Variants in C4orf36 observed in about 807,000 individuals in gnomAD.
C4orf36 encodes the protein uncharacterized protein C4orf36.
In C4orf36, 11 loss-of-function variants were observed where a neutral mutation model predicts 12.2. The ratio of observed to expected loss-of-function variants is 0.90; its 90% CI spans 0.57 to 1.49. C4orf36 has a LOEUF of 1.49. C4orf36 is among the 40% of genes most tolerant of loss of function. C4orf36 has a pLI of 0.00. For missense variants in C4orf36, 137 were observed against 133.9 expected, an observed-to-expected ratio of 1.02 and a Z score of -0.11; for synonymous variants, 54 against 51.3, an observed-to-expected ratio of 1.05 and a Z score of -0.22.
At chr4:86,893,059 T>C (rs1747491458), upstream of C4orf36, among the ~76,000 whole-genome samples, 1 of 152,258 alleles carries the variant, frequency 6.6e-6, no homozygotes, top group African/African-American at 2.4e-5. Context: ...GATAATGCTC[T>C]ATGTCTTAGA....
chr4:86,887,118 T>A (rs1438959726), intron 4 of C4orf36: 1 of 124,700 alleles, frequency 8.0e-6, no homozygotes, highest in African/African-American at 3.1e-5. Flanking sequence ...TGTTGTGGGG[T>A]GGGGGTATGG....
upstream of C4orf36, among the ~76,000 whole-genome samples, chr4:86,897,087 A>G (rs1747610401): frequency 1.3e-5 from 2 of 152,186 alleles, no homozygotes; most frequent in Admixed American, 1.3e-4. Context: ...ATGGCCAGAC[A>G]CAGCGGCTCA....
the C4orf36 span, among the ~76,000 whole-genome samples, chr4:86,927,938 T>C: frequency 6.6e-6 from 1 of 152,162 alleles, no homozygotes; most frequent in African/African-American, 2.4e-5. Context: ...GTTGCTGTAA[T>C]GGTGAAGTTC....
At chr4:86,906,403 G>A in the C4orf36 span, among the ~76,000 whole-genome samples, 8 of 152,036 alleles carry the variant, frequency 5.3e-5, no homozygotes, top group South Asian at 4.1e-4. Context: ...TCAAATATTC[G>A]GATTCAGATA....
At chr4:86,919,309 T>TCCC in the C4orf36 span, among the ~76,000 whole-genome samples, 1 of 108,214 alleles carries the variant, frequency 9.2e-6, no homozygotes, top group Admixed American at 1.0e-4. Flanking sequence ...TTCTGCTTTT[T>TCCC]TCCCCCTTTT....
the C4orf36 span, among the ~76,000 whole-genome samples, chr4:86,927,790 G>A: frequency 2.1e-5 from 2 of 93,542 alleles, no homozygotes; most frequent in African/African-American, 6.8e-5. Flanking sequence ...CAAGAGCGAG[G>A]CTCCATTTCA....
upstream of C4orf36, among the ~76,000 whole-genome samples, chr4:86,892,610 C>T (rs1022675631): frequency 1.3e-5 from 2 of 152,260 alleles, no homozygotes; most frequent in African/African-American, 4.8e-5. Context: ...CAGACCTTTC[C>T]TGGGAAGGAC....
At chr4:86,904,267 C>T in the C4orf36 span, among the ~76,000 whole-genome samples, 1 of 152,212 alleles carries the variant, frequency 6.6e-6, no homozygotes, top group South Asian at 2.1e-4. Context: ...CCTTGCGCAG[C>T]CCTGGCTCCG....
chr4:86,886,782 T>C (rs1359569332), intron 4 of C4orf36: 4 of 152,148 alleles, frequency 2.6e-5, no homozygotes, highest in Admixed American at 1.3e-4. Flanking sequence ...CAAAGGAATA[T>C]AAATCATGCT....
chr4:86,876,619 T>C (rs1159853928), intron 4 of C4orf36, 176 bp from the exon 5 acceptor site: 8 of 1,613,752 alleles, frequency 5.0e-6, no homozygotes, highest in Non-Finnish European at 6.8e-6. Flanking sequence ...AGTTCTTCAA[T>C]GAACCAGAAG....
At chr4:86,909,111 C>T in the C4orf36 span, among the ~76,000 whole-genome samples, 1 of 152,194 alleles carries the variant, frequency 6.6e-6, no homozygotes, top group Admixed American at 6.5e-5. Context: ...ACATCTATCT[C>T]CCATGACCCA....
the C4orf36 span, among the ~76,000 whole-genome samples, chr4:86,912,922 T>C: frequency 1.3e-5 from 2 of 152,046 alleles, no homozygotes; most frequent in East Asian, 1.9e-4. Flanking sequence ...TTTTTTTTTT[T>C]CAAAACCACA....
upstream of C4orf36, among the ~76,000 whole-genome samples, chr4:86,893,776 G>A (rs1190218020): frequency 6.6e-6 from 1 of 152,100 alleles, no homozygotes; most frequent in Non-Finnish European, 1.5e-5. Context: ...GAGCACCGAG[G>A]AGTGACAGTG....
In C4orf36 at chr4:86,888,227, G is replaced by A. The variant is rs748270905; in HGVS notation, c.114C>T (p.Asn38=). ...AGAAAGGCAACTTGATATTGGCTAG[G>A]TTTGTGGACCAGGTCTTTGCAAGCA... ...IALLAKTWST[N]LANIKLPFLE... is the part of the protein sequence containing the mutation. The change falls in exon 3 of 5, where the codon AAC becomes AAT. Residue 38 remains asparagine, a synonymous_variant. Transcript: ENST00000295898. 6.2e-7 allele frequency: 1 copy of A among 1,614,140 alleles called. No individual in the cohort carries two copies. The highest frequency in any genetic ancestry group is 2.2e-5 in the East Asian group (1 of 44,868).
chr4:86,881,731 T>A (rs1014615243), intron 4 of C4orf36, among the ~76,000 whole-genome samples: 10 of 152,050 alleles, frequency 6.6e-5, no homozygotes, highest in Non-Finnish European at 1.2e-4. Flanking sequence ...TGGAGTGCAA[T>A]GGTGTGATCT....
At chr4:86,892,070 C>G (rs1425208599) in intron 1 of C4orf36, 113 bp downstream of exon 1, 26 of 985,740 alleles carry the variant, frequency 2.6e-5, no homozygotes, top group Non-Finnish European at 3.1e-5. Flanking sequence ...TACCCTTCCC[C>G]GGACGGACGC....
the C4orf36 span, among the ~76,000 whole-genome samples, chr4:86,904,712 A>C: frequency 6.6e-6 from 1 of 152,002 alleles, no homozygotes; most frequent in Non-Finnish European, 1.5e-5. Context: ...TGGGCCGCAT[A>C]AAAAGGCCGC....
chr4:86,886,839 A>G (rs1174830959), intron 4 of C4orf36: 1 of 152,194 alleles, frequency 6.6e-6, no homozygotes. Context: ...CACTACTCAC[A>G]ATAGCAAAGA....
At chr4:86,887,016 A>G (rs1747197372) in intron 4 of C4orf36, 1 of 152,128 alleles carries the variant, frequency 6.6e-6, no homozygotes, top group East Asian at 1.9e-4. Context: ...CACAAGGACA[A>G]AAAACCAAAC....
Sources: allele counts gnomAD v4.1 joint callset (sites outside exome capture counted in the v4.1 genomes callset), GRCh38; gene constraint gnomAD v4.1.1; transcripts MANE v1.5; gene names NCBI Gene and HGNC (gene_info 2026-07-23, HGNC 2026-07-21).